PAQR5: variants seen among roughly 807,000 people sequenced by gnomAD.
The protein encoded by PAQR5 is progestin and adipoQ receptor family member 5.
Under a neutral mutation model 34.5 loss-of-function variants are expected in PAQR5, and 20 were observed. That is an observed-to-expected ratio of 0.58 (90% CI 0.41 to 0.84). The LOEUF (loss-of-function observed/expected upper bound fraction) is 0.84, where lower values mean the gene tolerates loss of function less well. Ranked by LOEUF, PAQR5 falls within the 40% of genes least tolerant of loss-of-function variation. The pLI is 0.00. For missense variants in PAQR5, 378 were observed against 412.7 expected (o/e 0.92, Z 0.73); for synonymous variants, 131 against 155.6 (o/e 0.84, Z 1.18).
At chr15:69,319,172 T>C (rs80191368) in intron 1 of PAQR5, among the ~76,000 whole-genome samples, 1 of 808 alleles carries the variant, frequency 1.2e-3, no homozygotes, top group African/African-American at 1.4e-3. Flanking sequence ...TATATATATA[T>C]ATATATATAT....
intron 6 of PAQR5, chr15:69,391,318 T>A (rs1175723534): frequency 1.9e-5 from 3 of 158,304 alleles, no homozygotes; most frequent in Non-Finnish European, 4.2e-5. Context: ...CCAGTTTTTT[T>A]GTTTCTGTTT....
At chr15:69,354,446 A>G (rs899184393) in intron 2 of PAQR5, among the ~76,000 whole-genome samples, 5 of 152,194 alleles carry the variant, frequency 3.3e-5, no homozygotes, top group Non-Finnish European at 4.4e-5. Flanking sequence ...GTTATATCAT[A>G]CTATTTAAGT....
intron 2 of PAQR5, among the ~76,000 whole-genome samples, chr15:69,341,824 G>A (rs1205347358): frequency 1.3e-5 from 2 of 151,192 alleles, no homozygotes; most frequent in African/African-American, 4.9e-5. Flanking sequence ...TGTGTCTGTG[G>A]TCCCAGATAC....
At chr15:69,324,681 A>G (rs1159907505) in intron 1 of PAQR5, among the ~76,000 whole-genome samples, 1 of 151,958 alleles carries the variant, frequency 6.6e-6, no homozygotes, top group Admixed American at 6.6e-5. Flanking sequence ...ATTCATATGC[A>G]GCGCACACCA....
chr15:69,399,084 A>T (rs192580170), intron 7 of PAQR5, among the ~76,000 whole-genome samples: 1,607 of 152,314 alleles, frequency 0.011, 15 homozygotes, highest in Non-Finnish European at 0.014. Context: ...ACTTTATAAC[A>T]ATAATACAAA....
intron 3 of PAQR5, among the ~76,000 whole-genome samples, chr15:69,370,247 G>T (rs2055522550): frequency 6.6e-6 from 1 of 152,156 alleles, no homozygotes; most frequent in Admixed American, 6.5e-5. Flanking sequence ...TCTTGGTTCT[G>T]CTATTTATTA....
intron 1 of PAQR5, among the ~76,000 whole-genome samples, chr15:69,327,588 C>A (rs1341668558): frequency 6.6e-6 from 1 of 152,130 alleles, no homozygotes; most frequent in Non-Finnish European, 1.5e-5. Flanking sequence ...GCATATTAAG[C>A]AAGTGCCTGC....
chr15:69,319,146 T>C (rs12443423), intron 1 of PAQR5, among the ~76,000 whole-genome samples: 6,938 of 121,764 alleles, frequency 0.057, 437 homozygotes, highest in East Asian at 0.16. Flanking sequence ...AAAATATATA[T>C]ATAAATATAT....
chr15:69,389,198 T>A (rs1186129498), intron 5 of PAQR5, among the ~76,000 whole-genome samples: 1 of 152,098 alleles, frequency 6.6e-6, no homozygotes, highest in Admixed American at 6.5e-5. Flanking sequence ...ACACTCTGAG[T>A]AGAGCTCAGC....
At chr15:69,333,235 G>A (rs571125762) in intron 1 of PAQR5, among the ~76,000 whole-genome samples, 10 of 152,030 alleles carry the variant, frequency 6.6e-5, no homozygotes, top group East Asian at 5.8e-4. Flanking sequence ...CACGAACCCC[G>A]TTTTGGAAAA....
chr15:69,372,820 T>C (rs1172576557), intron 3 of PAQR5, among the ~76,000 whole-genome samples: 1 of 152,200 alleles, frequency 6.6e-6, no homozygotes, highest in African/African-American at 2.4e-5. Flanking sequence ...CTAAGAGTAC[T>C]TCTGGATTTT....
At position 69,357,943 on chromosome 15, in the gene PAQR5, C is replaced by T. The variant is rs564619992; in HGVS notation, c.-115-2023C>T. Among the ~76,000 whole-genome samples, 13 of 152,228 alleles carry T rather than the reference C, an allele frequency of 8.5e-5. No individual in the cohort carries two copies. The South Asian group carries it at 2.7e-3, about 32-fold the overall frequency. ...CATGGGAGGCTTCTTCCTGAAGGGGCAGACGAGGCCTAGGGAGTTAGCTGT... is the reference window on the plus strand; with the variant it reads ...CATGGGAGGCTTCTTCCTGAAGGGGTAGACGAGGCCTAGGGAGTTAGCTGT... On this transcript the variant is annotated intron_variant, in intron 2 of 8. Transcript: ENST00000395407.
At chr15:69,301,016 T>G (rs922959698) in intron 1 of PAQR5, among the ~76,000 whole-genome samples, 1 of 140,276 alleles carries the variant, frequency 7.1e-6, no homozygotes, top group African/African-American at 2.6e-5. Flanking sequence ...TCTTTCTTCT[T>G]TCTTTTTGAC....
intron 4 of PAQR5, among the ~76,000 whole-genome samples, chr15:69,382,243 G>T (rs2055903094): frequency 1.3e-5 from 2 of 152,180 alleles, no homozygotes; most frequent in African/African-American, 2.4e-5. Flanking sequence ...CAAACCACGG[G>T]GATGGTGGTA....
intron 6 of PAQR5, among the ~76,000 whole-genome samples, chr15:69,390,436 C>T (rs976243759): frequency 2.6e-5 from 4 of 151,102 alleles, no homozygotes; most frequent in Admixed American, 2.6e-4. Context: ...TGTAGCCTCG[C>T]CTTCCTGGGC....
intron 1 of PAQR5, among the ~76,000 whole-genome samples, chr15:69,322,576 G>A (rs1285488713): frequency 7.1e-6 from 1 of 141,622 alleles, no homozygotes; most frequent in African/African-American, 2.7e-5. Flanking sequence ...GATCATTTCA[G>A]CCTAGGAGGT....
At chr15:69,349,714 T>C (rs1595882762) in intron 2 of PAQR5, among the ~76,000 whole-genome samples, 1 of 151,904 alleles carries the variant, frequency 6.6e-6, no homozygotes, top group Admixed American at 6.6e-5. Context: ...TGGTCTCAGC[T>C]CACTGAAACC....
chr15:69,383,797 A>G (rs1595921444), intron 4 of PAQR5, among the ~76,000 whole-genome samples: 2 of 56,480 alleles, frequency 3.5e-5, no homozygotes, highest in African/African-American at 8.3e-5. Context: ...CTTTGTGTTC[A>G]TGGTGGAGGG....
At chr15:69,333,296 C>T (rs556705440) in intron 1 of PAQR5, among the ~76,000 whole-genome samples, 4 of 152,284 alleles carry the variant, frequency 2.6e-5, no homozygotes, top group African/African-American at 9.6e-5. Context: ...GGATAGATCC[C>T]TCTCAGAATC....
Sources: allele counts gnomAD v4.1 joint callset (sites outside exome capture counted in the v4.1 genomes callset), GRCh38; gene constraint gnomAD v4.1.1; transcripts MANE v1.5; gene names NCBI Gene and HGNC (gene_info 2026-07-23, HGNC 2026-07-21).